The following PABPC4L variants were observed in gnomAD, a reference collection of about 807,000 sequenced individuals.
The protein encoded by PABPC4L is polyadenylate-binding protein 4-like.
For missense variants in PABPC4L, 452 were observed against 451.4 expected (o/e 1.00, Z -0.01); for synonymous variants, 169 against 164.1 (o/e 1.03, Z -0.23).
the PABPC4L span, among the ~76,000 whole-genome samples, chr4:134,011,515 C>A: frequency 6.6e-6 from 1 of 151,954 alleles, no homozygotes; most frequent in Non-Finnish European, 1.5e-5. Context: ...TTTCTAAGCT[C>A]CATATTTATT....
At chr4:134,042,941 A>G in the PABPC4L span, among the ~76,000 whole-genome samples, 1 of 152,208 alleles carries the variant, frequency 6.6e-6, no homozygotes, top group African/African-American at 2.4e-5. Flanking sequence ...GAATTCCGTG[A>G]CTCATTGACC....
chr4:134,164,006 G>A, the PABPC4L span, among the ~76,000 whole-genome samples: 2 of 151,968 alleles, frequency 1.3e-5, no homozygotes, highest in African/African-American at 4.8e-5. Context: ...GCTCACGCCT[G>A]TAATCCCAGC....
At chr4:134,038,679 A>G in the PABPC4L span, among the ~76,000 whole-genome samples, 1 of 151,930 alleles carries the variant, frequency 6.6e-6, no homozygotes. Flanking sequence ...CTCCTTTATC[A>G]TTTTTTATTG....
chr4:134,172,510 T>A, the PABPC4L span, among the ~76,000 whole-genome samples: 1 of 152,090 alleles, frequency 6.6e-6, no homozygotes, highest in Non-Finnish European at 1.5e-5. Context: ...AAAAATCAGT[T>A]CACAATAGAT....
the PABPC4L span, among the ~76,000 whole-genome samples, chr4:134,058,761 A>C: frequency 1.3e-5 from 2 of 152,092 alleles, no homozygotes; most frequent in African/African-American, 2.4e-5. Context: ...AAATATCTTT[A>C]CTATTTCTGC....
At chr4:134,092,525 T>C in the PABPC4L span, among the ~76,000 whole-genome samples, 1 of 151,984 alleles carries the variant, frequency 6.6e-6, no homozygotes, top group Non-Finnish European at 1.5e-5. Flanking sequence ...GGGTAGGGTA[T>C]ATATCACCCT....
At chr4:134,081,256 C>T in the PABPC4L span, among the ~76,000 whole-genome samples, 1 of 152,132 alleles carries the variant, frequency 6.6e-6, no homozygotes, top group African/African-American at 2.4e-5. Context: ...GGGTTTAGTC[C>T]AGCCAAACCT....
rs1178241689 is a variant in PABPC4L, at chr4:134,197,833, C to T, written c.*2074G>A. The T allele has an allele frequency of 2.0e-5, 3 of 151,702 alleles. No homozygotes were observed. Among genetic ancestry groups the T allele is most frequent in the African/African-American group, 7.2e-5 (3 of 41,406 alleles). The allele number at this position is 151,702 out of a possible 1,614,324, so 9.4% of individuals were successfully genotyped here. A position where few individuals can be genotyped will look rare whatever the true frequency, so the allele number is the denominator to read the frequency against. On this transcript the variant is annotated 3_prime_UTR_variant, in exon 2 of 2. Transcript: ENST00000421491. ...GGAGCATATGGAAATAGGCATTCTC[C>T]TACAATGACAATGGAAATGTAAGTG...
At chr4:134,141,374 G>GAAAAAAAAAA in the PABPC4L span, among the ~76,000 whole-genome samples, 1 of 143,416 alleles carries the variant, frequency 7.0e-6, no homozygotes. Flanking sequence ...GGATAAAAAT[G>GAAAAAAAAAA]AAAAAAAAAA....
At chr4:134,030,492 A>AATCC in the PABPC4L span, among the ~76,000 whole-genome samples, 23 of 152,034 alleles carry the variant, frequency 1.5e-4, no homozygotes, top group Non-Finnish European at 2.8e-4. Flanking sequence ...ATCACATATC[A>AATCC]ATCCACCTCT....
the PABPC4L span, among the ~76,000 whole-genome samples, chr4:133,957,585 A>C: frequency 5.3e-5 from 8 of 152,318 alleles, no homozygotes; most frequent in Non-Finnish European, 1.5e-5. Context: ...GCAGTGCCCC[A>C]GTAGAGACTC....
the PABPC4L span, among the ~76,000 whole-genome samples, chr4:134,060,687 C>A: frequency 6.6e-6 from 1 of 151,734 alleles, no homozygotes; most frequent in African/African-American, 2.4e-5. Flanking sequence ...CCTAAATAAC[C>A]ATCAGCAATA....
chr4:134,029,964 A>G, the PABPC4L span, among the ~76,000 whole-genome samples: 2 of 151,932 alleles, frequency 1.3e-5, no homozygotes, highest in African/African-American at 2.4e-5. Flanking sequence ...TGGTTTTATA[A>G]GGAGATTTTT....
At chr4:134,018,686 C>T in the PABPC4L span, among the ~76,000 whole-genome samples, 24 of 152,010 alleles carry the variant, frequency 1.6e-4, no homozygotes, top group Non-Finnish European at 3.4e-4. Context: ...ACATTGTTTA[C>T]GTTCATTGAA....
chr4:134,189,955 C>T, the PABPC4L span, among the ~76,000 whole-genome samples: 1 of 152,028 alleles, frequency 6.6e-6, no homozygotes, highest in African/African-American at 2.4e-5. Flanking sequence ...CTGGTAAGAA[C>T]CATAAAATAA....
chr4:134,022,900 T>C, the PABPC4L span, among the ~76,000 whole-genome samples: 2 of 152,112 alleles, frequency 1.3e-5, no homozygotes, highest in African/African-American at 4.8e-5. Flanking sequence ...TTGAATACTA[T>C]ATTTTAGTCT....
Position 134,197,875 on chromosome 4 carries a change from C to G in PABPC4L, c.*2032G>C, listed in dbSNP as rs908535351. ...ATGTAAGTGCCACAAGTATTCTGGA[C>G]AGCATTTAAGCAATATTTATCAAAA... On this transcript the variant is annotated 3_prime_UTR_variant, in exon 2 of 2. Coordinates refer to ENST00000421491, the MANE Select transcript of PABPC4L (RefSeq NM_001114734.2). 6.6e-6 allele frequency: 1 copy of G among 151,840 alleles called. No homozygotes were observed. Among genetic ancestry groups the G allele is most frequent in the South Asian group, 2.1e-4 (1 of 4,818 alleles). The allele number at this position is 151,840 out of a possible 1,614,324, so 9.4% of individuals were successfully genotyped here.
chr4:134,105,736 T>A, the PABPC4L span, among the ~76,000 whole-genome samples: 1 of 151,644 alleles, frequency 6.6e-6, no homozygotes. Context: ...TGGATAAAAA[T>A]ATGCAATGAA....
chr4:134,040,920 AAC>A, the PABPC4L span, among the ~76,000 whole-genome samples: 5 of 152,188 alleles, frequency 3.3e-5, no homozygotes, highest in African/African-American at 1.2e-4. Flanking sequence ...AAAGGATATG[AAC>A]AGACACTTCT....
Sources: allele counts gnomAD v4.1 joint callset (sites outside exome capture counted in the v4.1 genomes callset), GRCh38; gene constraint gnomAD v4.1.1; transcripts MANE v1.5; gene names NCBI Gene and HGNC (gene_info 2026-07-23, HGNC 2026-07-21).